The following MBD5 variants were observed in gnomAD, a reference collection of about 807,000 sequenced individuals.
MBD5 encodes the protein methyl-CpG-binding domain protein 5.
In MBD5, 13 loss-of-function variants were observed where a neutral mutation model predicts 117.3. The observed-to-expected ratio is 0.11, with a 90% CI of 0.07 to 0.18. The LOEUF (loss-of-function observed/expected upper bound fraction) is 0.18. Among genes scored for constraint, MBD5 ranks in the 10% least tolerant of loss-of-function variants. The pLI, the probability that MBD5 is intolerant of heterozygous loss-of-function variation, is 1.00. For synonymous variants in MBD5, 727 were observed against 766.4 expected (o/e 0.95, Z 0.85); for missense variants, 1,879 against 2,093.8 (o/e 0.90, Z 2.00).
At chr2:148,397,325 C>CTTT (rs34236548) in intron 4 of MBD5, among the ~76,000 whole-genome samples, 26 of 100,662 alleles carry the variant, frequency 2.6e-4, no homozygotes, top group South Asian at 3.4e-4. Context: ...TCTTCTGATC[C>CTTT]TTTTTTTTTT....
rs183706220 is a variant in MBD5, at chr2:148,509,656, C to T, written c.5037-404C>T. 3.3e-3 allele frequency among the ~76,000 whole-genome samples: 502 copies of T among 152,288 alleles called. 4 individuals are homozygous for T. Among genetic ancestry groups the T allele is most frequent in the African/African-American group, 0.012 (483 of 41,550 alleles). On this transcript the variant is annotated intron_variant, in intron 12 of 13. Coordinates refer to ENST00000642680, the MANE Select transcript of MBD5 (RefSeq NM_001378120.1). ...GGCCAGAGCCTGCAGTTCAGCCCCT[C>T]CGCCCTTCCTCTGATCACACAGTCA... is the stretch of plus-strand genomic sequence containing the variant.
At chr2:148,144,217 A>G (rs1190415552) in intron 1 of MBD5, among the ~76,000 whole-genome samples, 1 of 151,352 alleles carries the variant, frequency 6.6e-6, no homozygotes, top group Non-Finnish European at 1.5e-5. Context: ...GCATTTTTTC[A>G]TGTGTCTGTT....
intron 1 of MBD5, chr2:148,054,691 T>C (rs1195181342): frequency 1.3e-5 from 2 of 152,228 alleles, no homozygotes; most frequent in Admixed American, 1.3e-4. Flanking sequence ...GTATTTTACA[T>C]AAGTATTAAT....
Position 148,461,509 on chromosome 2 carries a change from G to T in MBD5, c.114-1073G>T, listed in dbSNP as rs1707081632. Among the ~76,000 whole-genome samples the T allele has an allele frequency of 4.6e-5, 7 of 152,248 alleles. No homozygotes were observed. The South Asian group carries it at 1.5e-3, about 32-fold the overall frequency. On this transcript the variant is annotated intron_variant, in intron 5 of 13. Transcript: ENST00000642680. ...AATACTACTTGTGTTTTTGTAGATA[G>T]AACAATCTGTGTCCAGTATTGTAAT... is the stretch of plus-strand genomic sequence containing the variant.
At chr2:148,050,135 A>G (rs138859450) in intron 1 of MBD5, among the ~76,000 whole-genome samples, 1 of 152,256 alleles carries the variant, frequency 6.6e-6, no homozygotes, top group African/African-American at 2.4e-5. Flanking sequence ...CTGTTTTTCA[A>G]AGTAGCTGCA....
At chr2:148,467,179 A>G (rs930217495) in intron 7 of MBD5, among the ~76,000 whole-genome samples, 25 of 152,110 alleles carry the variant, frequency 1.6e-4, no homozygotes, top group Non-Finnish European at 3.7e-4. Context: ...AGCTACCACC[A>G]ATTGGTGGGA....
intron 1 of MBD5, among the ~76,000 whole-genome samples, chr2:148,077,443 C>G (rs1695535610): frequency 1.3e-5 from 2 of 152,054 alleles, no homozygotes; most frequent in South Asian, 4.2e-4. Flanking sequence ...TTATAGCAAC[C>G]AAGAGGATAC....
At chr2:148,385,780 A>G (rs1360811728) in intron 4 of MBD5, among the ~76,000 whole-genome samples, 1 of 105,912 alleles carries the variant, frequency 9.4e-6, no homozygotes, top group Non-Finnish European at 2.0e-5. Flanking sequence ...CTATGCAGCC[A>G]TAAAAAAGGA....
chr2:148,261,556 A>C (rs1186664975), intron 3 of MBD5, among the ~76,000 whole-genome samples: 2 of 152,166 alleles, frequency 1.3e-5, no homozygotes, highest in African/African-American at 4.8e-5. Flanking sequence ...CCTTGCTCTG[A>C]ATTAGACTTT....
At chr2:148,369,560 T>C (rs940625219) in intron 4 of MBD5, among the ~76,000 whole-genome samples, 2 of 152,072 alleles carry the variant, frequency 1.3e-5, no homozygotes, top group African/African-American at 4.8e-5. Context: ...AAAATGAAAA[T>C]CATTGAGGAA....
chr2:148,283,113 C>G (rs183026694), intron 3 of MBD5, among the ~76,000 whole-genome samples: 13 of 152,206 alleles, frequency 8.5e-5, no homozygotes, highest in Admixed American at 2.6e-4. Flanking sequence ...GATGATAACA[C>G]TCCCATATCA....
intron 4 of MBD5, among the ~76,000 whole-genome samples, chr2:148,401,787 A>G (rs1166658898): frequency 6.6e-6 from 1 of 152,078 alleles, no homozygotes; most frequent in Admixed American, 6.6e-5. Flanking sequence ...AATGCACTTT[A>G]TCTTTTTCAG....
At chr2:148,427,454 C>T (rs571588387) in intron 4 of MBD5, among the ~76,000 whole-genome samples, 13 of 152,236 alleles carry the variant, frequency 8.5e-5, no homozygotes, top group Admixed American at 2.0e-4. Context: ...GAATACTATG[C>T]AGCCATAAAA....
intron 3 of MBD5, among the ~76,000 whole-genome samples, chr2:148,281,160 G>A (rs1701236278): frequency 1.3e-5 from 2 of 152,104 alleles, no homozygotes; most frequent in East Asian, 1.9e-4. Context: ...GACATTATCT[G>A]TGCAAACATT....
intron 4 of MBD5, among the ~76,000 whole-genome samples, chr2:148,426,097 A>C (rs1650992419): frequency 6.6e-6 from 1 of 152,200 alleles, no homozygotes; most frequent in Admixed American, 6.5e-5. Context: ...CTTACAAGGG[A>C]TGTGAAGGAC....
At chr2:148,486,089 T>C in intron 10 of MBD5, 139 bp downstream of exon 10, 1 of 793,850 alleles carries the variant, frequency 1.3e-6, no homozygotes. Flanking sequence ...TCATGAGTAT[T>C]GTTAAACATT....
intron 1 of MBD5, chr2:148,027,685 A>G (rs952278003): frequency 1.3e-5 from 2 of 152,090 alleles, no homozygotes; most frequent in Non-Finnish European, 2.9e-5. Flanking sequence ...CAAAATTCTA[A>G]ATACTTCTGG....
chr2:148,079,590 G>A (rs766666880), intron 1 of MBD5, among the ~76,000 whole-genome samples: 1 of 151,092 alleles, frequency 6.6e-6, no homozygotes. Context: ...CTAGTGCGGT[G>A]GCTCACATCT....
At chr2:148,410,707 C>A (rs1705222680) in intron 4 of MBD5, among the ~76,000 whole-genome samples, 1 of 152,202 alleles carries the variant, frequency 6.6e-6, no homozygotes, top group African/African-American at 2.4e-5. Context: ...GCTGGTATTA[C>A]AGGCAGTGCT....
Sources: gnomAD v4.1 joint callset for allele counts (sites outside exome capture counted in the v4.1 genomes callset) on GRCh38, gnomAD v4.1.1 for gene constraint, MANE v1.5 for transcripts, NCBI Gene and HGNC (gene_info 2026-07-23, HGNC 2026-07-21) for gene names.